Variants in HTR1F observed in about 807,000 individuals in gnomAD.
The protein encoded by HTR1F is 5-hydroxytryptamine (serotonin) receptor 1F, G protein-coupled.
A neutral mutation model predicts 24.0 loss-of-function variants in HTR1F; 17 were observed. The observed-to-expected ratio is 0.71, with a 90% CI of 0.48 to 1.06. HTR1F has a LOEUF of 1.06. HTR1F is among the 50% of genes least tolerant of loss of function. HTR1F has a pLI of 0.00. For synonymous variants in HTR1F, 186 were observed against 156.8 expected, an observed-to-expected ratio of 1.19 and a Z score of -1.39; for missense variants, 391 against 427.8, an observed-to-expected ratio of 0.91 and a Z score of 0.76.
intron 2 of HTR1F, among the ~76,000 whole-genome samples, chr3:87,884,182 C>A (rs1401562342): frequency 6.6e-6 from 1 of 152,082 alleles, no homozygotes; most frequent in Non-Finnish European, 1.5e-5. Flanking sequence ...GGAGTGGGGG[C>A]CAATACTCAA....
At chr3:87,885,526 A>G (rs1705916653) in intron 2 of HTR1F, among the ~76,000 whole-genome samples, 1 of 152,088 alleles carries the variant, frequency 6.6e-6, no homozygotes, top group African/African-American at 2.4e-5. Flanking sequence ...GACACAAAAA[A>G]CCCTTCAAAA....
intron 2 of HTR1F, among the ~76,000 whole-genome samples, chr3:87,887,796 C>T (rs559169322): frequency 5.3e-5 from 8 of 152,090 alleles, no homozygotes; most frequent in Admixed American, 2.6e-4. Flanking sequence ...GTTAGAACGG[C>T]GATCATTAAA....
intron 2 of HTR1F, among the ~76,000 whole-genome samples, chr3:87,921,087 T>C (rs1704003834): frequency 6.6e-6 from 1 of 151,952 alleles, no homozygotes; most frequent in Admixed American, 6.6e-5. Flanking sequence ...GAAATTAGCT[T>C]ATCTTTCATA....
intron 2 of HTR1F, among the ~76,000 whole-genome samples, chr3:87,958,959 A>G: frequency 6.6e-6 from 1 of 151,744 alleles, no homozygotes; most frequent in East Asian, 1.9e-4. Flanking sequence ...TGATTGTCAG[A>G]TCCATATTGT....
intron 2 of HTR1F, among the ~76,000 whole-genome samples, chr3:87,924,783 G>A (rs941971889): frequency 1.3e-5 from 2 of 152,038 alleles, no homozygotes; most frequent in Non-Finnish European, 2.9e-5. Context: ...CTTTTCTGTT[G>A]CTATTTCTAG....
chr3:87,877,599 G>C (rs1705699061), intron 2 of HTR1F, among the ~76,000 whole-genome samples: 1 of 152,126 alleles, frequency 6.6e-6, no homozygotes, highest in African/African-American at 2.4e-5. Flanking sequence ...AAAGGGCACT[G>C]TTATTATTCC....
chr3:87,936,398 T>C (rs576226562), intron 2 of HTR1F, among the ~76,000 whole-genome samples: 1 of 152,352 alleles, frequency 6.6e-6, no homozygotes, highest in Non-Finnish European at 1.5e-5. Flanking sequence ...GCTTTCTTCC[T>C]CTGAGCCACT....
In HTR1F at chr3:87,991,917, A is replaced by G. The variant is rs2107529048; in HGVS notation, c.*67A>G. 1 of 1,318,170 alleles carries G rather than the reference A, an allele frequency of 7.6e-7. No individual in the cohort carries two copies. Among genetic ancestry groups the G allele is most frequent in the Middle Eastern group, 2.4e-4 (1 of 4,100 alleles). The allele number at this position is 1,318,170 out of a possible 1,614,324, so 81.7% of individuals were successfully genotyped here. On this transcript the variant is annotated 3_prime_UTR_variant, in exon 3 of 3. Coordinates refer to ENST00000319595, the MANE Select transcript of HTR1F (RefSeq NM_001322209.2). ...GGAGGAATAACTAGATGAATGCCAA[A>G]TAATAAAACACTTAAGCTTTTAGAG...
chr3:87,977,393 C>CTTTTTTTTT (rs34070984), intron 2 of HTR1F, among the ~76,000 whole-genome samples: 1 of 73,050 alleles, frequency 1.4e-5, no homozygotes, highest in African/African-American at 4.7e-5. Flanking sequence ...GAAGCTGAGA[C>CTTTTTTTTT]TTTTTTTTTT....
rs564340065 is a variant in HTR1F, at chr3:87,942,445, G to A, written c.-42-48263G>A. Among the ~76,000 whole-genome samples, 14 of 152,224 alleles carry A rather than the reference G, an allele frequency of 9.2e-5. No individual in the cohort carries two copies. In the East Asian group the frequency reaches 9.7e-4, roughly 11 times the overall value. ...ATACCCGGGGCTCTGTGAGGGTGAC[G>A]GCATCGGCTGGCGCTTGCCCCGGGC... On this transcript the variant is annotated intron_variant, in intron 2 of 2. Transcript: ENST00000319595.
chr3:87,887,135 C>A (rs971684995), intron 2 of HTR1F, among the ~76,000 whole-genome samples: 3 of 152,070 alleles, frequency 2.0e-5, no homozygotes, highest in Admixed American at 2.0e-4. Context: ...AACATACAGA[C>A]CAATGGAACA....
chr3:87,918,698 A>C (rs1371573052), intron 2 of HTR1F, among the ~76,000 whole-genome samples: 1 of 152,114 alleles, frequency 6.6e-6, no homozygotes, highest in African/African-American at 2.4e-5. Context: ...GAAAACTACG[A>C]AACACTGCTG....
chr3:87,903,436 C>A (rs1347091327), intron 2 of HTR1F, among the ~76,000 whole-genome samples: 3 of 151,962 alleles, frequency 2.0e-5, no homozygotes, highest in Non-Finnish European at 4.4e-5. Flanking sequence ...CAGAAAAAAA[C>A]AAACAACCCC....
intron 2 of HTR1F, among the ~76,000 whole-genome samples, chr3:87,926,117 T>C (rs1223071171): frequency 2.0e-5 from 3 of 152,184 alleles, no homozygotes; most frequent in Non-Finnish European, 4.4e-5. Flanking sequence ...AGAAATGTAA[T>C]TGTATTTACG....
rs566196394 is a variant in HTR1F, at chr3:87,915,660, A to G, written c.-42-75048A>G. ...TAAACCAATCCAACAAAGACAAAGA[A>G]AAAAGAATGAGAAAATATGAACAAA... is the stretch of plus-strand genomic sequence containing the variant. On this transcript the variant is annotated intron_variant, in intron 2 of 2. Transcript: ENST00000319595. Among the ~76,000 whole-genome samples the G allele has an allele frequency of 2.6e-5, 4 of 152,248 alleles. No individual in the cohort carries two copies. The South Asian group carries it at 8.3e-4, about 32-fold the overall frequency.
At chr3:87,973,562 A>C (rs566537031) in intron 2 of HTR1F, among the ~76,000 whole-genome samples, 1 of 152,370 alleles carries the variant, frequency 6.6e-6, no homozygotes, top group African/African-American at 2.4e-5. Context: ...ATTCACTAAT[A>C]AATATAATGC....
Position 87,987,705 on chromosome 3 carries a change from A to ATT in HTR1F, c.-42-3002_-42-3001dup, listed in dbSNP as rs1199827583. On this transcript the variant is annotated intron_variant, in intron 2 of 2. Transcript: ENST00000319595. ...TATTTTATATATATAAAATATATGT[A>ATT]TTATATATATGTATTTTATATATGT... Among the ~76,000 whole-genome samples, 25 of 115,528 alleles carry ATT rather than the reference A, an allele frequency of 2.2e-4. 1 individual carries two copies. The highest frequency in any genetic ancestry group is 8.0e-4 in the African/African-American group (24 of 30,030). The allele number at this position is 115,528 out of a possible 152,430, so 75.8% of individuals were successfully genotyped here.
At chr3:87,923,358 A>T (rs571429889) in intron 2 of HTR1F, among the ~76,000 whole-genome samples, 5 of 151,984 alleles carry the variant, frequency 3.3e-5, no homozygotes, top group African/African-American at 1.2e-4. Context: ...GGGGGACATG[A>T]TCATTTTAAC....
intron 2 of HTR1F, among the ~76,000 whole-genome samples, chr3:87,922,480 T>G (rs965056490): frequency 6.6e-6 from 1 of 152,000 alleles, no homozygotes; most frequent in African/African-American, 2.4e-5. Context: ...TTCACTCCGG[T>G]GATTGTTACC....
Sources: gnomAD v4.1 joint callset for allele counts (sites outside exome capture counted in the v4.1 genomes callset) on GRCh38, gnomAD v4.1.1 for gene constraint, MANE v1.5 for transcripts, NCBI Gene and HGNC (gene_info 2026-07-23, HGNC 2026-07-21) for gene names.